NEU4: variants seen among roughly 807,000 people sequenced by gnomAD.
NEU4 encodes neuraminidase 4.
NEU4 carries 7 observed loss-of-function variants against 9.9 expected under a neutral mutation model. The observed-to-expected ratio is 0.71, with a 90% CI of 0.40 to 1.33. The LOEUF (loss-of-function observed/expected upper bound fraction) is 1.33, where lower values mean the gene tolerates loss of function less well. Ranked by LOEUF, NEU4 falls within the 40% of genes most tolerant of loss-of-function variation. NEU4 has a pLI of 0.01. For synonymous variants in NEU4, 348 were observed against 316.9 expected (o/e 1.10, Z -1.04); for missense variants, 717 against 712.6 (o/e 1.01, Z -0.07).
rs1463990436 is a variant in NEU4, at chr2:241,812,926, A to G, written c.-3-1556A>G. On this transcript the variant is annotated intron_variant, in intron 1 of 3. Transcript: ENST00000407683. ...GAGAATGTCTTGCTTGTGCCTGCTC[A>G]GCCCAGAGGGACACATGGCGTCTGC... is the stretch of plus-strand genomic sequence containing the variant. 9.9e-5 allele frequency among the ~76,000 whole-genome samples: 15 copies of G among 152,212 alleles called. No homozygotes were observed. The East Asian group carries it at 2.9e-3, about 29-fold the overall frequency.
chr2:241,811,244 C>G (rs567481720), intron 1 of NEU4: 19 of 1,253,494 alleles, frequency 1.5e-5, no homozygotes, highest in Admixed American at 4.1e-5. Context: ...GTGCTGGTCC[C>G]GGGCGTCTGT....
At chr2:241,815,477 G>A in intron 3 of NEU4, 1 of 500,354 alleles carries the variant, frequency 2.0e-6, no homozygotes, top group South Asian at 1.6e-5. Flanking sequence ...CAGTGGGCAG[G>A]AGCAGGCCCT....
In NEU4 at chr2:241,816,876, C is replaced by T. The variant is rs563096588; in HGVS notation, c.1283C>T (p.Ala428Val). The T allele has an allele frequency of 1.9e-5, 31 of 1,612,618 alleles. No homozygotes were observed. Among genetic ancestry groups the T allele is most frequent in the Non-Finnish European group, 2.6e-5 (31 of 1,179,848 alleles). The change falls in exon 4 of 4, where the codon GCC becomes GTC. Residue 428 changes from alanine to valine, a missense_variant. Physicochemically the swap from Ala to Val is moderately conservative, Grantham distance 64. Coordinates refer to ENST00000407683, the MANE Select transcript of NEU4 (RefSeq NM_001167600.3). Reference protein sequence around the residue: ...GYSDLASIGPAPEGGLVFACL... With the variant: ...GYSDLASIGPVPEGGLVFACL... ...TCCGACCTGGCGTCCATCGGGCCGG[C>T]CCCTGAGGGGGGCCTGGTTTTTGCC...
At chr2:241,811,428 C>T (rs1700112025) in intron 1 of NEU4, 1 of 1,565,296 alleles carries the variant, frequency 6.4e-7, no homozygotes, top group Non-Finnish European at 8.7e-7. Context: ...GGCAGCCACC[C>T]ATGATGAGCT....
At chr2:241,813,417 CCACT>C in intron 1 of NEU4, 1 of 1,099,936 alleles carries the variant, frequency 9.1e-7, no homozygotes, top group South Asian at 2.0e-5. Flanking sequence ...ACCAGCGTTC[CCACT>C]GTCTGCAGCT....
chr2:241,815,068 T>C lies in NEU4; in HGVS notation c.378T>C (p.Cys126=), dbSNP rs768650395. 6 of 1,582,918 alleles carry C rather than the reference T, an allele frequency of 3.8e-6. No individual in the cohort carries two copies. Among genetic ancestry groups the C allele is most frequent in the East Asian group, 2.3e-5 (1 of 43,798 alleles). Residue 126 remains cysteine (C), a synonymous_variant, in exon 3 of 4, where the codon TGT becomes TGC. Coordinates refer to ENST00000407683, the MANE Select transcript of NEU4 (RefSeq NM_001167600.3). The stretch of plus-strand genomic sequence containing the variant: ...GAAGGAACGCCGCGCGCCTCTGCTG[T>C]GTGGCCAGCCGTGACGCCGGCCTCT... ...ATGRNAARLC[C]VASRDAGLSW... is the part of the protein sequence containing the mutation.
rs943371847 is a variant in NEU4 at position 241,815,272 on chromosome 2, C to T, written c.457+125C>T. Reference sequence around the variant, plus strand: ...TCCAGCCACAAGGGAACCAACCATCCCTTTCCCCAGGACTGTTCTGCGCCT... The same window carrying T: ...TCCAGCCACAAGGGAACCAACCATCTCTTTCCCCAGGACTGTTCTGCGCCT... On this transcript the variant is annotated intron_variant, in intron 3 of 3. Transcript: ENST00000407683. 5 of 1,275,602 alleles carry T rather than the reference C, an allele frequency of 3.9e-6. No individual in the cohort carries two copies. The African/African-American group carries it at 6.0e-5, about 15-fold the overall frequency. 79.0% of individuals were successfully genotyped at this position (1,275,602 alleles called of 1,614,324 possible).
chr2:241,814,309 C>G (rs1296326343), intron 1 of NEU4, 173 bp from the exon 2 acceptor site: 1 of 642,258 alleles, frequency 1.6e-6, no homozygotes, highest in African/African-American at 1.8e-5. Context: ...TGCTCCAGAT[C>G]TGGGGTGAGG....
At position 241,816,991 on chromosome 2, in the gene NEU4, C is replaced by T. The variant is rs748222503; in HGVS notation, c.1398C>T (p.Ala466=). The T allele has an allele frequency of 1.2e-6, 2 of 1,609,974 alleles. No individual in the cohort carries two copies. The highest frequency in any genetic ancestry group is 1.7e-6 in the Non-Finnish European group (2 of 1,178,648). ...GTGAGGTCCTGGAGAACGTGCCCGC[C>T]AGCCCCAAACCGCCCAACCTTGGGG... is the stretch of plus-strand genomic sequence containing the variant. The part of the protein sequence containing the change: ...SLREVLENVP[A]SPKPPNLGDK... Residue 466 remains alanine, a synonymous_variant, in exon 4 of 4, where the codon GCC becomes GCT. Transcript: ENST00000407683.
At position 241,816,373 on chromosome 2, in the gene NEU4, C is replaced by A; in HGVS notation, c.780C>A (p.Phe260Leu). Reference protein sequence around the residue: ...QALSTDEGTSFLPAERVASLP... With the variant: ...QALSTDEGTSLLPAERVASLP... ...TCAGCACTGACGAGGGCACCTCCTT[C>A]CTGCCCGCAGAGCGCGTGGCTTCCC... The change falls in exon 4 of 4, where the codon TTC (phenylalanine) becomes TTA (leucine). Residue 260 changes from phenylalanine to leucine, a missense_variant. Transcript: ENST00000407683. The A allele has an allele frequency of 6.3e-7, 1 of 1,593,588 alleles. No homozygotes were observed. The highest frequency in any genetic ancestry group is 8.5e-7 in the Non-Finnish European group (1 of 1,173,344).
Position 241,814,657 on chromosome 2 carries a change from G to T in NEU4, c.173G>T (p.Arg58Met), listed in dbSNP as rs996319644. 2 of 1,568,258 alleles carry T rather than the reference G, an allele frequency of 1.3e-6. No homozygotes were observed. The highest frequency in any genetic ancestry group is 2.7e-5 in the African/African-American group (2 of 73,908). ...CACGCCCACCGCCTGGTGCTGAGGA[G>T]GGGCACGCTGGCCGGGGGCTCCGTG... ...DSHAHRLVLR[R>M]GTLAGGSVRW... The change falls in exon 2 of 4, where the codon AGG (arginine) becomes ATG (methionine). Residue 58 changes from arginine (R) to methionine (M), a missense_variant. Transcript: ENST00000407683.
chr2:241,815,194 C>A, intron 3 of NEU4, 47 bp downstream of exon 3: 1 of 1,492,514 alleles, frequency 6.7e-7, no homozygotes, highest in Non-Finnish European at 8.9e-7. Context: ...TGGCCACGGT[C>A]CACATGGAAG....
At chr2:241,810,125 G>A (rs1013772070) in intron 1 of NEU4, among the ~76,000 whole-genome samples, 4 of 152,144 alleles carry the variant, frequency 2.6e-5, no homozygotes, top group South Asian at 2.1e-4. Flanking sequence ...CAGGATTCTC[G>A]GCTGTGAGCA....
In NEU4 at chr2:241,813,226, C is replaced by T. The variant is rs139791164; in HGVS notation, c.-3-1256C>T. On this transcript the variant is annotated intron_variant, in intron 1 of 3. Transcript: ENST00000407683. ...TACCCGGGTCTCTGTCAGTGGGTCC[C>T]GCCTGACCCGTGGGTGTGCATGGGT... The T allele has an allele frequency of 1.3e-4, 86 of 682,974 alleles. No homozygotes were observed. The East Asian group carries it at 8.6e-3, about 68-fold the overall frequency. The allele number at this position is 682,974 out of a possible 1,614,324, so 42.3% of individuals were successfully genotyped here. A position where few individuals can be genotyped will look rare whatever the true frequency, so the allele number is the denominator to read the frequency against.
rs1327278233 is a variant in NEU4, at chr2:241,809,210, G to T, written c.-68G>T. ...TCAGCTTCACAGTCACCGAAGAAAT[G>T]AAGTTACAGGAGGGGCACACCGTCC... On this transcript the variant is annotated 5_prime_UTR_variant, in exon 1 of 4. The change abolishes an upstream ATG in the 5' untranslated region. Coordinates refer to ENST00000407683, the MANE Select transcript of NEU4 (RefSeq NM_001167600.3). 5 of 1,288,804 alleles carry T rather than the reference G, an allele frequency of 3.9e-6. No homozygotes were observed. The African/African-American group carries it at 4.6e-5, about 12-fold the overall frequency. The allele number at this position is 1,288,804 out of a possible 1,614,324, so 79.8% of individuals were successfully genotyped here. A position where few individuals can be genotyped will look rare whatever the true frequency, so the allele number is the denominator to read the frequency against.
At chr2:241,814,316 G>T in intron 1 of NEU4, 166 bp from the exon 2 acceptor site, 1 of 651,856 alleles carries the variant, frequency 1.5e-6, no homozygotes, top group Non-Finnish European at 2.7e-6. Flanking sequence ...GATCTGGGGT[G>T]AGGGAGTCAG....
chr2:241,809,316 C>A, intron 1 of NEU4, 42 bp downstream of exon 1: 1 of 1,160,110 alleles, frequency 8.6e-7, no homozygotes, highest in Non-Finnish European at 1.1e-6. Context: ...TTTCTGGCGA[C>A]GTAAAACTGT....
At chr2:241,815,905 G>A (rs1700308934) in intron 3 of NEU4, 146 bp from the exon 4 acceptor site, 3 of 801,316 alleles carry the variant, frequency 3.7e-6, no homozygotes, top group Non-Finnish European at 5.8e-6. Flanking sequence ...AGGGCGGCTG[G>A]GATGAGTCGT....
chr2:241,816,628 G>A lies in NEU4; in HGVS notation c.1035G>A (p.Arg345=), dbSNP rs1700355184. Residue 345 remains arginine (R), a synonymous_variant, in exon 4 of 4, where the codon AGG becomes AGA. Transcript: ENST00000407683. The stretch of plus-strand genomic sequence containing the variant: ...TGCAGCCTCGGGGGGATGGCCCCAG[G>A]CAGCCTGGCCCCAGGCCTGGGGTCA... The part of the protein sequence containing the change: ...SRLQPRGDGP[R]QPGPRPGVSG... 1.9e-6 allele frequency: 3 copies of A among 1,560,816 alleles called. No individual in the cohort carries two copies. Among genetic ancestry groups the A allele is most frequent in the Admixed American group, 3.8e-5 (2 of 52,712 alleles).
Sources: gnomAD v4.1 joint callset for allele counts (sites outside exome capture counted in the v4.1 genomes callset) on GRCh38, gnomAD v4.1.1 for gene constraint, MANE v1.5 for transcripts, NCBI Gene and HGNC (gene_info 2026-07-23, HGNC 2026-07-21) for gene names.